PTBP2: variants seen among roughly 807,000 people sequenced by gnomAD.
PTBP2 encodes polypyrimidine tract binding protein 2.
Under a neutral mutation model 61.4 loss-of-function variants are expected in PTBP2, and 13 were observed. The ratio of observed to expected loss-of-function variants is 0.21; its 90% CI spans 0.14 to 0.34. The LOEUF (loss-of-function observed/expected upper bound fraction) is 0.34, where lower values mean the gene tolerates loss of function less well. Ranked by LOEUF, PTBP2 falls within the 10% of genes least tolerant of loss-of-function variation. PTBP2 has a pLI of 1.00. For synonymous variants in PTBP2, 215 were observed against 218.5 expected, an observed-to-expected ratio of 0.98 and a Z score of 0.14; for missense variants, 405 against 642.6, an observed-to-expected ratio of 0.63 and a Z score of 4.00.
chr1:96,773,904 A>G (rs1217024349), intron 5 of PTBP2, among the ~76,000 whole-genome samples: 1 of 149,040 alleles, frequency 6.7e-6, no homozygotes, highest in East Asian at 2.0e-4. Context: ...CGGAGCTTGC[A>G]GTGAGCCGAG....
intron 2 of PTBP2, among the ~76,000 whole-genome samples, chr1:96,749,239 T>C (rs1221154681): frequency 6.6e-6 from 1 of 152,152 alleles, no homozygotes; most frequent in African/African-American, 2.4e-5. Flanking sequence ...TCCCCACCTA[T>C]CGTCTTCCAA....
rs76241659 is a variant in PTBP2, at chr1:96,751,930, T to C, written c.115+430T>C. On this transcript the variant is annotated intron_variant, in intron 3 of 13. Transcript: ENST00000674951. Reference sequence around the variant, plus strand: ...TAGTTGTTTAAAACCATTGCAACCATAGTTGCTATGGTTTTAACTAATTTT... The same window carrying C: ...TAGTTGTTTAAAACCATTGCAACCACAGTTGCTATGGTTTTAACTAATTTT... Among the ~76,000 whole-genome samples, 164 of 152,186 alleles carry C rather than the reference T, an allele frequency of 1.1e-3. 3 individuals carry two copies. The East Asian group carries it at 0.029, about 27-fold the overall frequency.
In PTBP2 at chr1:96,773,781, G is replaced by A. The variant is rs548801837; in HGVS notation, c.432+2930G>A. 3.3e-5 allele frequency among the ~76,000 whole-genome samples: 5 copies of A among 151,710 alleles called. No individual in the cohort carries two copies. The South Asian group carries it at 1.0e-3, about 32-fold the overall frequency. ...CACGAGGTCAGGAGATCGAGACCAT[G>A]GTGAAACCCCGTCTGTACTAAAAAT... On this transcript the variant is annotated intron_variant, in intron 5 of 13. Transcript: ENST00000674951.
At chr1:96,810,634 G>A (rs75645187) in intron 11 of PTBP2, among the ~76,000 whole-genome samples, 2,909 of 152,166 alleles carry the variant, frequency 0.019, 96 homozygotes, top group African/African-American at 0.066. Flanking sequence ...TTATCTCAAA[G>A]CTCTGCTGTT....
intron 8 of PTBP2, among the ~76,000 whole-genome samples, chr1:96,786,823 A>G (rs1014745407): frequency 7.9e-5 from 12 of 152,180 alleles, no homozygotes; most frequent in Non-Finnish European, 1.8e-4. Flanking sequence ...AACTCCAGCT[A>G]GTATTAACAA....
chr1:96,791,826 CTTTTTTTTTT>C (rs1163642886), intron 8 of PTBP2, among the ~76,000 whole-genome samples: 6 of 66,128 alleles, frequency 9.1e-5, no homozygotes, highest in Non-Finnish European at 1.6e-4. Flanking sequence ...TGGAGTTGTG[CTTTTTTTTTT>C]TTTTTTTTTT....
Position 96,813,740 on chromosome 1 carries a change from C to A in PTBP2, c.*335C>A, listed in dbSNP as rs1311055618. ...AAGGAAAACTAGTGTTGCTATTGTGCATTTACTAGAAAAAAGGAATTGGTT... is the reference window on the plus strand; with the variant it reads ...AAGGAAAACTAGTGTTGCTATTGTGAATTTACTAGAAAAAAGGAATTGGTT... On this transcript the variant is annotated 3_prime_UTR_variant, in exon 14 of 14. Coordinates refer to ENST00000674951, the MANE Select transcript of PTBP2 (RefSeq NM_021190.4). 1 of 154,458 alleles carries A rather than the reference C, an allele frequency of 6.5e-6. No individual in the cohort carries two copies. The highest frequency in any genetic ancestry group is 1.7e-4 in the East Asian group (1 of 5,946). 9.6% of individuals were successfully genotyped at this position (154,458 alleles called of 1,614,324 possible). A position where few individuals can be genotyped will look rare whatever the true frequency, so the allele number is the denominator to read the frequency against.
At chr1:96,729,669 A>G (rs1203870703) in intron 2 of PTBP2, among the ~76,000 whole-genome samples, 1 of 151,740 alleles carries the variant, frequency 6.6e-6, no homozygotes, top group Non-Finnish European at 1.5e-5. Context: ...TATCTTCTGT[A>G]GAACTAGTCC....
At chr1:96,746,825 CTG>C (rs1653836051) in intron 2 of PTBP2, among the ~76,000 whole-genome samples, 3 of 79,740 alleles carry the variant, frequency 3.8e-5, no homozygotes, top group Middle Eastern at 6.3e-3. Flanking sequence ...TCTTGTCTGT[CTG>C]TCTGTCTGTC....
chr1:96,812,695 A>G lies in PTBP2; in HGVS notation c.1172-17A>G. 6.6e-7 allele frequency: 1 copy of G among 1,515,480 alleles called. No homozygotes were observed. Among genetic ancestry groups the G allele is most frequent in the Non-Finnish European group, 9.1e-7 (1 of 1,095,228 alleles). 93.9% of individuals were successfully genotyped at this position (1,515,480 alleles called of 1,614,324 possible). Reference sequence around the variant, plus strand: ...GCTTTGATATTGTTTGTTAATAGACATGCTTTCTTTTTATAGCCATGAATC... The same window carrying G: ...GCTTTGATATTGTTTGTTAATAGACGTGCTTTCTTTTTATAGCCATGAATC... On this transcript the variant is annotated splice_polypyrimidine_tract_variant and intron_variant, in intron 11 of 13. Coordinates refer to ENST00000674951, the MANE Select transcript of PTBP2 (RefSeq NM_021190.4).
At chr1:96,817,888 AAC>A (rs1489158224), downstream of PTBP2, 1 of 152,094 alleles carries the variant, frequency 6.6e-6, no homozygotes, top group African/African-American at 2.4e-5. Context: ...TATTGTTCAA[AAC>A]ACACTTTATA....
At chr1:96,809,283 T>TA (rs1661804980) in intron 11 of PTBP2, among the ~76,000 whole-genome samples, 3 of 152,106 alleles carry the variant, frequency 2.0e-5, no homozygotes, top group Admixed American at 2.0e-4. Context: ...TTAACAGAAT[T>TA]ATGTGTCTAA....
At chr1:96,752,358 G>T (rs1018504304) in intron 3 of PTBP2, among the ~76,000 whole-genome samples, 10 of 152,020 alleles carry the variant, frequency 6.6e-5, no homozygotes, top group African/African-American at 1.9e-4. Context: ...GCAATAAAAG[G>T]ATCATGAAAG....
intron 9 of PTBP2, among the ~76,000 whole-genome samples, chr1:96,805,990 A>G (rs1661463322): frequency 6.6e-6 from 1 of 152,204 alleles, no homozygotes; most frequent in South Asian, 2.1e-4. Context: ...TACATAAACC[A>G]ACCATTTTCT....
In PTBP2 at chr1:96,779,910, C is replaced by T. The variant is rs75701310; in HGVS notation, c.708+1964C>T. Among the ~76,000 whole-genome samples the T allele has an allele frequency of 2.6e-4, 40 of 152,138 alleles. 1 individual carries two copies. In the East Asian group the frequency reaches 6.6e-3, roughly 25 times the overall value. ...ATTGGTACCAGTTTAAATCCATCAA[C>T]GTCAACTACAAGTAAGCCCTCTACT... On this transcript the variant is annotated intron_variant, in intron 7 of 13. Transcript: ENST00000674951.
At chr1:96,778,963 C>T (rs1658344023) in intron 7 of PTBP2, among the ~76,000 whole-genome samples, 2 of 152,026 alleles carry the variant, frequency 1.3e-5, no homozygotes, top group Admixed American at 6.6e-5. Context: ...TTTTTCTGAC[C>T]ACTACTCTAT....
Position 96,806,441 on chromosome 1 carries a change from T to C in PTBP2, c.1067T>C (p.Phe356Ser). 1 of 1,604,216 alleles carries C rather than the reference T, an allele frequency of 6.2e-7. No individual in the cohort carries two copies. The highest frequency in any genetic ancestry group is 8.5e-7 in the Non-Finnish European group (1 of 1,171,096). Residue 356 changes from phenylalanine (F) to serine (S), a missense_variant, in exon 10 of 14, where the codon TTT becomes TCT. Phe to Ser is a radical substitution (Grantham distance 155). Coordinates refer to ENST00000674951, the MANE Select transcript of PTBP2 (RefSeq NM_021190.4). ...AAGATGGTTACGCCCCAAAGTCTGT[T>C]TACCCTCTTCGGTATGTTATTGTTA... ...NEEMVTPQSL[F>S]TLFGVYGDVQ...
chr1:96,781,711 T>C (rs982728897), intron 7 of PTBP2, among the ~76,000 whole-genome samples: 1 of 152,064 alleles, frequency 6.6e-6, no homozygotes, highest in Non-Finnish European at 1.5e-5. Flanking sequence ...GTTAAATGTG[T>C]ATATTTTCTG....
intron 8 of PTBP2, among the ~76,000 whole-genome samples, chr1:96,798,439 G>A (rs548575065): frequency 1.2e-4 from 18 of 152,140 alleles, no homozygotes; most frequent in African/African-American, 4.3e-4. Flanking sequence ...GGGCTTTAGA[G>A]TCCCACCACT....
Sources: allele counts gnomAD v4.1 joint callset (sites outside exome capture counted in the v4.1 genomes callset), GRCh38; gene constraint gnomAD v4.1.1; transcripts MANE v1.5; gene names NCBI Gene and HGNC (gene_info 2026-07-23, HGNC 2026-07-21).